Variants in HERC6 observed in about 807,000 individuals in gnomAD.
HERC6 encodes HECT and RLD domain containing E3 ubiquitin protein ligase family member 6.
HERC6 carries 101 observed loss-of-function variants against 114.5 expected under a neutral mutation model. The ratio of observed to expected loss-of-function variants is 0.88; its 90% CI spans 0.75 to 1.04. The LOEUF (loss-of-function observed/expected upper bound fraction) is 1.04, where lower values mean the gene tolerates loss of function less well. Among genes scored for constraint, HERC6 ranks in the 50% least tolerant of loss-of-function variants. The probability of loss-of-function intolerance (pLI) is 0.00; values close to 1 mark genes in which losing one functional copy is unlikely to be tolerated. For synonymous variants in HERC6, 408 were observed against 436.2 expected (o/e 0.94, Z 0.81); for missense variants, 1,133 against 1,230.9 (o/e 0.92, Z 1.19).
intron 1 of HERC6, among the ~76,000 whole-genome samples, chr4:88,379,827 T>A (rs866496061): frequency 1.3e-5 from 1 of 75,552 alleles, no homozygotes; most frequent in Non-Finnish European, 2.3e-5. Flanking sequence ...ATATAACATA[T>A]AAATATATAT....
intron 13 of HERC6, among the ~76,000 whole-genome samples, chr4:88,419,086 TAGAA>T (rs957417429): frequency 6.6e-5 from 10 of 152,072 alleles, no homozygotes; most frequent in African/African-American, 1.7e-4. Flanking sequence ...AAAAATTAAA[TAGAA>T]AGGAAGAAAA....
intron 1 of HERC6, among the ~76,000 whole-genome samples, chr4:88,379,332 A>G (rs918338165): frequency 6.6e-6 from 1 of 152,070 alleles, no homozygotes; most frequent in Non-Finnish European, 1.5e-5. Flanking sequence ...CCGAAGAGCC[A>G]CAGGAACCAG....
intron 22 of HERC6, among the ~76,000 whole-genome samples, chr4:88,440,870 T>G (rs768930086): frequency 3.3e-5 from 5 of 152,218 alleles, no homozygotes; most frequent in Non-Finnish European, 7.3e-5. Flanking sequence ...GACTGCTTTT[T>G]GTTAGAAGGG....
intron 1 of HERC6, among the ~76,000 whole-genome samples, chr4:88,379,331 C>G (rs1406329236): frequency 6.6e-6 from 1 of 152,086 alleles, no homozygotes; most frequent in Non-Finnish European, 1.5e-5. Context: ...CCCGAAGAGC[C>G]ACAGGAACCA....
intron 18 of HERC6, among the ~76,000 whole-genome samples, chr4:88,436,499 A>G (rs779953787): frequency 6.6e-6 from 1 of 152,046 alleles, no homozygotes; most frequent in Non-Finnish European, 1.5e-5. Flanking sequence ...GTTGTGGGAG[A>G]CTGTCCTGGG....
chr4:88,401,633 C>T (rs1418585244), intron 8 of HERC6, among the ~76,000 whole-genome samples: 2 of 151,922 alleles, frequency 1.3e-5, no homozygotes, highest in African/African-American at 4.8e-5. Context: ...TAATAAGAAA[C>T]GGTACAGGTG....
At position 88,431,263 on chromosome 4, in the gene HERC6, C is replaced by T. The variant is rs1380076685; in HGVS notation, c.2208C>T (p.Phe736=). ...EEMTKPEYGM[F]MYPEMGSCMW... ...TGACCAAGCCAGAATATGGAATGTT[C>T]ATGTATCCTGAAATGGGTTCCTGCA... The change falls in exon 17 of 23, where the codon TTC becomes TTT. Residue 736 remains phenylalanine, a synonymous_variant. Coordinates refer to ENST00000264346, the MANE Select transcript of HERC6 (RefSeq NM_017912.4). 15 of 1,612,072 alleles carry T rather than the reference C, an allele frequency of 9.3e-6. No homozygotes were observed. The highest frequency in any genetic ancestry group is 1.2e-5 in the Non-Finnish European group (14 of 1,179,388).
intron 1 of HERC6, among the ~76,000 whole-genome samples, chr4:88,379,623 AAT>A (rs202065455): frequency 2.4e-5 from 3 of 125,912 alleles, no homozygotes; most frequent in Non-Finnish European, 3.1e-5. Context: ...GGCATTAAAA[AAT>A]ATATATATAT....
intron 12 of HERC6, 49 bp from the exon 13 acceptor site, chr4:88,417,374 TGG>T: frequency 6.5e-7 from 1 of 1,538,230 alleles, no homozygotes; most frequent in Non-Finnish European, 8.9e-7. Flanking sequence ...AACAGAGATT[TGG>T]GGGGTGGTAG....
At chr4:88,441,703 A>G (rs1434155513) in intron 22 of HERC6, among the ~76,000 whole-genome samples, 1 of 152,220 alleles carries the variant, frequency 6.6e-6, no homozygotes, top group Admixed American at 6.5e-5. Context: ...ACTTGTCCAC[A>G]GATCCAACCT....
Position 88,405,594 on chromosome 4 carries a change from G to T in HERC6, c.1255G>T (p.Ala419Ser). The change falls in exon 10 of 23, where the codon GCA becomes TCA. Residue 419 changes from alanine (A) to serine (S), a missense_variant. By Grantham distance (99) the Ala-to-Ser change is moderately conservative (BLOSUM62 1). This residue lies in a region of HERC6 where 735 missense variants were observed against 754.0 expected (regional missense o/e 0.97). Transcript: ENST00000264346. ...MIFSSPACLT[A>S]SFLKKRGTGE... ...ATTTTCATCTCCTGCTTGTCTGACTGCAAGTTTTTTAAAGAAAAGGTAATA... is the reference window on the plus strand; with the variant it reads ...ATTTTCATCTCCTGCTTGTCTGACTTCAAGTTTTTTAAAGAAAAGGTAATA... 1 of 1,532,840 alleles carries T rather than the reference G, an allele frequency of 6.5e-7. No homozygotes were observed. Among genetic ancestry groups the T allele is most frequent in the Admixed American group, 1.8e-5 (1 of 54,074 alleles). The allele number at this position is 1,532,840 out of a possible 1,614,324, so 95.0% of individuals were successfully genotyped here.
chr4:88,386,877 G>T (rs572150646), intron 3 of HERC6, among the ~76,000 whole-genome samples: 3 of 152,138 alleles, frequency 2.0e-5, no homozygotes, highest in Non-Finnish European at 4.4e-5. Context: ...ATTCTCAATT[G>T]CCTTCAACTC....
chr4:88,380,132 TATATATAATATATAA>T (rs1560528601), intron 1 of HERC6, among the ~76,000 whole-genome samples: 1 of 28,162 alleles, frequency 3.6e-5, no homozygotes, highest in Admixed American at 7.8e-4. Context: ...AATATATAAA[TATATATAATATATAA>T]ATATATATAA....
intron 1 of HERC6, among the ~76,000 whole-genome samples, chr4:88,382,753 A>G (rs1051937445): frequency 1.3e-5 from 2 of 152,178 alleles, no homozygotes; most frequent in African/African-American, 4.8e-5. Flanking sequence ...AACCTTTGAT[A>G]ACGTGTTCCA....
chr4:88,397,960 CT>C, intron 7 of HERC6, 181 bp from the exon 8 acceptor site: 1 of 535,332 alleles, frequency 1.9e-6, no homozygotes, highest in Non-Finnish European at 3.3e-6. Context: ...CAAAACTGAT[CT>C]TTTATTTCAA....
chr4:88,423,959 C>T lies in HERC6; in HGVS notation c.1813C>T (p.Arg605Trp), dbSNP rs1433352072. ...TATAGATAGAGGAAGACAGCTCTTTCGGGATAACCACCTGGTAAGAATAAC... is the reference window on the plus strand; with the variant it reads ...TATAGATAGAGGAAGACAGCTCTTTTGGGATAACCACCTGGTAAGAATAAC... ...FYIDRGRQLF[R>W]DNHLIPAETP... The change falls in exon 14 of 23, where the codon CGG (arginine) becomes TGG (tryptophan). Residue 605 changes from arginine to tryptophan, a missense_variant. Arg to Trp is a moderately radical substitution (Grantham distance 101). This residue lies in a region of HERC6 where 735 missense variants were observed against 754.0 expected (regional missense o/e 0.97). Transcript: ENST00000264346. The T allele has an allele frequency of 1.3e-5, 19 of 1,474,472 alleles. No individual in the cohort carries two copies. The highest frequency in any genetic ancestry group is 2.4e-5 in the East Asian group (1 of 41,636). 91.3% of individuals were successfully genotyped at this position (1,474,472 alleles called of 1,614,324 possible). A position where few individuals can be genotyped will look rare whatever the true frequency, so the allele number is the denominator to read the frequency against.
chr4:88,427,935 G>A (rs1447187086), intron 15 of HERC6, among the ~76,000 whole-genome samples: 1 of 152,208 alleles, frequency 6.6e-6, no homozygotes, highest in Non-Finnish European at 1.5e-5. Context: ...TTAAAATAGT[G>A]AGACAATGTT....
At position 88,391,935 on chromosome 4, in the gene HERC6, C is replaced by G. The variant is rs182592229; in HGVS notation, c.664+1056C>G. On this transcript the variant is annotated intron_variant, in intron 4 of 22. Coordinates refer to ENST00000264346, the MANE Select transcript of HERC6 (RefSeq NM_017912.4). ...TTTTTCTTTCCTTTCCTTTCCTTTT[C>G]CTTTCCCTTTTCCTCCCCTCCCCAC... is the stretch of plus-strand genomic sequence containing the variant. Among the ~76,000 whole-genome samples, 704 of 150,394 alleles carry G rather than the reference C, an allele frequency of 4.7e-3. 9 individuals carry two copies. Among genetic ancestry groups the G allele is most frequent in the African/African-American group, 0.017 (678 of 40,798 alleles).
At chr4:88,397,094 A>G in intron 7 of HERC6, 107 bp downstream of exon 7, 1 of 887,740 alleles carries the variant, frequency 1.1e-6, no homozygotes, top group Non-Finnish European at 1.6e-6. Context: ...TTCCCCTAGT[A>G]CTTTTATTTT....
Sources: allele counts gnomAD v4.1 joint callset (sites outside exome capture counted in the v4.1 genomes callset), GRCh38; gene constraint gnomAD v4.1.1; regional missense constraint gnomAD v4.1.1; transcripts MANE v1.5; gene names NCBI Gene and HGNC (gene_info 2026-07-23, HGNC 2026-07-21).